SORCS2: variants seen among roughly 807,000 people sequenced by gnomAD.
SORCS2 encodes the protein sortilin related VPS10 domain containing receptor 2.
In SORCS2, 100 loss-of-function variants were observed where a neutral mutation model predicts 141.6. That is an observed-to-expected ratio of 0.71 (90% CI 0.60 to 0.83). The LOEUF is 0.83. Among genes scored for constraint, SORCS2 ranks in the 40% least tolerant of loss-of-function variants. The pLI, the probability that SORCS2 is intolerant of heterozygous loss-of-function variation, is 0.00. For missense variants in SORCS2, 1,646 were observed against 1,560.2 expected, an observed-to-expected ratio of 1.05 and a Z score of -0.93; for synonymous variants, 789 against 676.9, an observed-to-expected ratio of 1.17 and a Z score of -2.57.
intron 3 of SORCS2, among the ~76,000 whole-genome samples, chr4:7,571,122 C>T (rs1288456372): frequency 6.6e-6 from 1 of 152,248 alleles, no homozygotes; most frequent in Non-Finnish European, 1.5e-5. Flanking sequence ...GGACACCTCT[C>T]ATGCTGGTGT....
intron 3 of SORCS2, among the ~76,000 whole-genome samples, chr4:7,617,641 G>A (rs1323946188): frequency 6.6e-6 from 1 of 152,220 alleles, no homozygotes; most frequent in Non-Finnish European, 1.5e-5. Flanking sequence ...TAGAGGAGGA[G>A]ACATTTGAGT....
chr4:7,502,852 C>T lies in SORCS2; in HGVS notation c.549-28678C>T, dbSNP rs141568857. On this transcript the variant is annotated intron_variant, in intron 2 of 26. Coordinates refer to ENST00000507866, the MANE Select transcript of SORCS2 (RefSeq NM_020777.3). ...CGCTGCACACCAGATTCATTTCTTC[C>T]GCTGTGGCGACTGAGGGAGAGGAGA... is the stretch of plus-strand genomic sequence containing the variant. Among the ~76,000 whole-genome samples, 190 of 152,370 alleles carry T rather than the reference C, an allele frequency of 1.2e-3. 1 individual carries two copies. The highest frequency in any genetic ancestry group is 4.2e-3 in the African/African-American group (175 of 41,586).
chr4:7,656,048 C>T (rs1721754650), intron 5 of SORCS2, among the ~76,000 whole-genome samples: 1 of 152,252 alleles, frequency 6.6e-6, no homozygotes, highest in Admixed American at 6.5e-5. Flanking sequence ...AGCGTGGTGA[C>T]AGCGGTGGGG....
intron 5 of SORCS2, among the ~76,000 whole-genome samples, chr4:7,654,884 G>A (rs1721660523): frequency 6.6e-6 from 1 of 152,188 alleles, no homozygotes; most frequent in Admixed American, 6.5e-5. Flanking sequence ...GTGTTCCGAT[G>A]GTGGGTACCA....
chr4:7,270,967 T>A (rs1016711063), intron 1 of SORCS2, among the ~76,000 whole-genome samples: 1 of 152,254 alleles, frequency 6.6e-6, no homozygotes, highest in African/African-American at 2.4e-5. Context: ...ATGCCCATGC[T>A]TGATGCTGCT....
intron 1 of SORCS2, among the ~76,000 whole-genome samples, chr4:7,367,758 T>C (rs1490465381): frequency 6.6e-6 from 1 of 152,262 alleles, no homozygotes; most frequent in Non-Finnish European, 1.5e-5. Context: ...ACGCAGTTTA[T>C]TTTTAAATAA....
At chr4:7,264,022 C>T (rs528286900) in intron 1 of SORCS2, among the ~76,000 whole-genome samples, 9 of 152,150 alleles carry the variant, frequency 5.9e-5, no homozygotes, top group South Asian at 2.1e-4. Context: ...TGTGCCAGGC[C>T]GAGTGCCAGG....
At chr4:7,514,206 A>C (rs964709320) in intron 2 of SORCS2, among the ~76,000 whole-genome samples, 2 of 152,180 alleles carry the variant, frequency 1.3e-5, no homozygotes, top group Non-Finnish European at 2.9e-5. Context: ...AGCTATGGCC[A>C]CCTGACTTGT....
At chr4:7,376,184 G>A (rs1007013937) in intron 1 of SORCS2, among the ~76,000 whole-genome samples, 2 of 152,104 alleles carry the variant, frequency 1.3e-5, no homozygotes, top group African/African-American at 4.8e-5. Flanking sequence ...TGCCATGGGA[G>A]CAAACAGGAT....
chr4:7,575,293 G>C (rs926497235), intron 3 of SORCS2, among the ~76,000 whole-genome samples: 1 of 152,188 alleles, frequency 6.6e-6, no homozygotes, highest in Non-Finnish European at 1.5e-5. Context: ...AGCCAAAGTT[G>C]ATTTTAGCAG....
chr4:7,566,613 TCTCA>T (rs1480653633), intron 3 of SORCS2, among the ~76,000 whole-genome samples: 1 of 152,218 alleles, frequency 6.6e-6, no homozygotes, highest in Non-Finnish European at 1.5e-5. Flanking sequence ...CAAGATCACT[TCTCA>T]CTCAGGGAAG....
chr4:7,221,816 T>C (rs11728437), intron 1 of SORCS2, among the ~76,000 whole-genome samples: 36,888 of 152,136 alleles, frequency 0.24, 4,733 homozygotes, highest in East Asian at 0.45. Context: ...GAGAAAGATA[T>C]TAAGTTAAGC....
intron 1 of SORCS2, among the ~76,000 whole-genome samples, chr4:7,273,578 T>C (rs62279438): frequency 0.096 from 14,628 of 151,972 alleles, 884 homozygotes; most frequent in East Asian, 0.2. Flanking sequence ...TAAGTGGACA[T>C]GGAGGGCCCC....
intron 4 of SORCS2, among the ~76,000 whole-genome samples, chr4:7,640,603 G>C (rs1405252931): frequency 6.6e-6 from 1 of 151,894 alleles, no homozygotes; most frequent in Non-Finnish European, 1.5e-5. Flanking sequence ...GGCCCACACA[G>C]ATAGCCTGGG....
intron 3 of SORCS2, among the ~76,000 whole-genome samples, chr4:7,637,672 G>A (rs750099352): frequency 6.6e-6 from 1 of 152,076 alleles, no homozygotes; most frequent in Non-Finnish European, 1.5e-5. Flanking sequence ...TCCCTGGTGT[G>A]TGGGGGGGCC....
At chr4:7,430,165 G>T (rs1726733653) in intron 2 of SORCS2, 1 of 152,124 alleles carries the variant, frequency 6.6e-6, no homozygotes, top group African/African-American at 2.4e-5. Flanking sequence ...CCCCTCCAGG[G>T]CTCAGGGCTC....
At chr4:7,414,555 C>T (rs991991036) in intron 2 of SORCS2, among the ~76,000 whole-genome samples, 26 of 152,220 alleles carry the variant, frequency 1.7e-4, no homozygotes, top group African/African-American at 5.3e-4. Context: ...AAAATTCTCT[C>T]GGCCACGAGG....
At chr4:7,479,518 A>T (rs576929455) in intron 2 of SORCS2, among the ~76,000 whole-genome samples, 1 of 152,324 alleles carries the variant, frequency 6.6e-6, no homozygotes, top group African/African-American at 2.4e-5. Flanking sequence ...CCCAGCCCTG[A>T]GGCATTAGCC....
At chr4:7,340,193 A>T (rs190707528) in intron 1 of SORCS2, among the ~76,000 whole-genome samples, 1 of 152,310 alleles carries the variant, frequency 6.6e-6, no homozygotes, top group Admixed American at 6.5e-5. Context: ...GAGGCCCCAC[A>T]GTTAGTAAGA....
Sources: allele counts gnomAD v4.1 joint callset (sites outside exome capture counted in the v4.1 genomes callset), GRCh38; gene constraint gnomAD v4.1.1; transcripts MANE v1.5; gene names NCBI Gene and HGNC (gene_info 2026-07-23, HGNC 2026-07-21).